TBC1D8: variants seen among roughly 807,000 people sequenced by gnomAD.
TBC1D8 encodes the protein TBC1 domain family member 8, also known as BUB2-like protein 1.
In TBC1D8, 65 loss-of-function variants were observed where a neutral mutation model predicts 118.8. The observed-to-expected ratio is 0.55, with a 90% CI of 0.45 to 0.67. TBC1D8 has a LOEUF of 0.67. TBC1D8 is among the 30% of genes least tolerant of loss of function. The pLI, the probability that TBC1D8 is intolerant of heterozygous loss-of-function variation, is 0.00. For synonymous variants in TBC1D8, 566 were observed against 595.8 expected (o/e 0.95, Z 0.73); for missense variants, 1,376 against 1,471.2 (o/e 0.94, Z 1.06).
At chr2:101,079,532 G>A (rs138197890) in intron 2 of TBC1D8, among the ~76,000 whole-genome samples, 2,223 of 151,416 alleles carry the variant, frequency 0.015, 28 homozygotes, top group Middle Eastern at 0.038. Context: ...GCTCCACCAC[G>A]CCCGGCTAAT....
At chr2:101,148,859 G>A (rs1679427335) in intron 1 of TBC1D8, among the ~76,000 whole-genome samples, 1 of 152,004 alleles carries the variant, frequency 6.6e-6, no homozygotes, top group Non-Finnish European at 1.5e-5. Context: ...CTCTTAAATT[G>A]CTAACAATCT....
chr2:101,028,532 A>G, intron 12 of TBC1D8, 100 bp from the exon 13 acceptor site: 5 of 1,449,036 alleles, frequency 3.5e-6, no homozygotes, highest in Non-Finnish European at 4.6e-6. Context: ...ACTTCCAAAC[A>G]CCAACACCTG....
At chr2:101,075,507 G>A (rs926520151) in intron 2 of TBC1D8, among the ~76,000 whole-genome samples, 32 of 152,160 alleles carry the variant, frequency 2.1e-4, no homozygotes, top group African/African-American at 7.2e-4. Flanking sequence ...TGTCAAGGGA[G>A]AGACCAGGTG....
chr2:101,060,400 A>G (rs917772217), intron 2 of TBC1D8, among the ~76,000 whole-genome samples: 12 of 152,254 alleles, frequency 7.9e-5, no homozygotes, highest in African/African-American at 2.9e-4. Context: ...TACAGCTTAC[A>G]AATGCATACT....
rs1435079296 is a variant in TBC1D8, at chr2:101,095,432, G to A, written c.128-5068C>T. On this transcript the variant is annotated intron_variant, in intron 1 of 19. Coordinates refer to ENST00000409318, the MANE Select transcript of TBC1D8 (RefSeq NM_001330348.2). ...CCCACCCCACAACAGTCCCCGGTGT[G>A]TGATGTTCTCCTTCCTGTGTCCATG... Among the ~76,000 whole-genome samples, 35 of 131,340 alleles carry A rather than the reference G, an allele frequency of 2.7e-4. No homozygotes were observed. The East Asian group carries it at 7.8e-3, about 29-fold the overall frequency. The allele number at this position is 131,340 out of a possible 152,430, so 86.2% of individuals were successfully genotyped here.
At chr2:101,038,903 G>T (rs913279561) in intron 6 of TBC1D8, among the ~76,000 whole-genome samples, 4 of 152,226 alleles carry the variant, frequency 2.6e-5, no homozygotes, top group Non-Finnish European at 5.9e-5. Flanking sequence ...CCTTGAAGAG[G>T]AGGGGAATTC....
intron 1 of TBC1D8, among the ~76,000 whole-genome samples, chr2:101,095,858 A>G (rs1173419927): frequency 6.6e-6 from 1 of 152,052 alleles, no homozygotes; most frequent in Admixed American, 6.5e-5. Context: ...TTGTCTCATT[A>G]GGGATGTAAG....
chr2:101,075,104 G>C (rs1159048364), intron 2 of TBC1D8, among the ~76,000 whole-genome samples: 1 of 152,090 alleles, frequency 6.6e-6, no homozygotes, highest in African/African-American at 2.4e-5. Flanking sequence ...TTACAGTTTA[G>C]TCATAGAAGT....
At chr2:101,115,308 A>G (rs1677773126) in intron 1 of TBC1D8, among the ~76,000 whole-genome samples, 1 of 152,226 alleles carries the variant, frequency 6.6e-6, no homozygotes, top group Non-Finnish European at 1.5e-5. Context: ...TTAAAATTTA[A>G]TAAGATGGAG....
At chr2:101,018,696 C>A (rs1679834166) in intron 17 of TBC1D8, among the ~76,000 whole-genome samples, 1 of 152,210 alleles carries the variant, frequency 6.6e-6, no homozygotes, top group South Asian at 2.1e-4. Flanking sequence ...TGTGAGGGGT[C>A]CTCATAGGTT....
chr2:101,060,953 C>T (rs1028508577), intron 2 of TBC1D8, among the ~76,000 whole-genome samples: 4 of 151,890 alleles, frequency 2.6e-5, no homozygotes, highest in Admixed American at 6.6e-5. Context: ...TTTGGGAGGC[C>T]GAGGTGAATG....
At chr2:101,111,106 G>C (rs1677559597) in intron 1 of TBC1D8, among the ~76,000 whole-genome samples, 1 of 152,042 alleles carries the variant, frequency 6.6e-6, no homozygotes, top group Admixed American at 6.6e-5. Context: ...AAAAATGTTG[G>C]GGAAATTTGC....
At chr2:101,076,162 C>G (rs1674801862) in intron 2 of TBC1D8, among the ~76,000 whole-genome samples, 1 of 152,174 alleles carries the variant, frequency 6.6e-6, no homozygotes, top group African/African-American at 2.4e-5. Context: ...TATTATGTCT[C>G]AGGGTGACCA....
In TBC1D8 at chr2:101,007,982, T is replaced by G; in HGVS notation, c.3307A>C (p.Ile1103Leu). The G allele has an allele frequency of 6.2e-7, 1 of 1,614,024 alleles. No individual in the cohort carries two copies. Among genetic ancestry groups the G allele is most frequent in the South Asian group, 1.1e-5 (1 of 91,086 alleles). ...ERDWTVSLEHILASLLTEQSL... is the reference protein window; with the variant it reads ...ERDWTVSLEHLLASLLTEQSL... ...TGTTCAGTCAGAAGTGAAGCTAAAATATGTTCAAGGGAGACAGTCCAGTCC... is the reference window on the plus strand; with the variant it reads ...TGTTCAGTCAGAAGTGAAGCTAAAAGATGTTCAAGGGAGACAGTCCAGTCC... Residue 1103 changes from isoleucine (I) to leucine (L), a missense_variant, in exon 20 of 20, where the codon ATT becomes CTT. Transcript: ENST00000409318.
intron 1 of TBC1D8, among the ~76,000 whole-genome samples, chr2:101,115,751 A>C (rs1327599949): frequency 2.1e-5 from 3 of 143,018 alleles, no homozygotes; most frequent in Non-Finnish European, 4.5e-5. Context: ...ACCTTGTTTC[A>C]AAAAAAAAAA....
rs1412658997 is a variant in TBC1D8 at position 101,022,568 on chromosome 2, G to A, written c.2521-47C>T. ...GGAGTTCTTACCACTTATTGAACAA[G>A]CCACGTTATTAACACAAACAAATAC... On this transcript the variant is annotated intron_variant, in intron 15 of 19. Coordinates refer to ENST00000409318, the MANE Select transcript of TBC1D8 (RefSeq NM_001330348.2). 5 of 1,566,002 alleles carry A rather than the reference G, an allele frequency of 3.2e-6. No homozygotes were observed. The East Asian group carries it at 6.8e-5, about 21-fold the overall frequency.
intron 19 of TBC1D8, among the ~76,000 whole-genome samples, chr2:101,009,983 A>G (rs1430297444): frequency 2.0e-5 from 3 of 151,616 alleles, no homozygotes; most frequent in Non-Finnish European, 2.9e-5. Context: ...CACCACGTCC[A>G]GCTAATTTTT....
chr2:101,142,616 G>A (rs983692142), intron 1 of TBC1D8, among the ~76,000 whole-genome samples: 4 of 152,258 alleles, frequency 2.6e-5, no homozygotes, highest in African/African-American at 7.2e-5. Context: ...GGGTCAAAGT[G>A]AGAAAAACAT....
intron 17 of TBC1D8, among the ~76,000 whole-genome samples, chr2:101,018,831 G>T (rs1402802027): frequency 6.6e-6 from 1 of 152,174 alleles, no homozygotes; most frequent in Non-Finnish European, 1.5e-5. Flanking sequence ...CTCCCAGGAA[G>T]TTCTCCTCTG....
Sources: allele counts gnomAD v4.1 joint callset (sites outside exome capture counted in the v4.1 genomes callset), GRCh38; gene constraint gnomAD v4.1.1; transcripts MANE v1.5; gene names NCBI Gene and HGNC (gene_info 2026-07-23, HGNC 2026-07-21).